Variants in RNF121 observed in about 807,000 individuals in gnomAD.
RNF121 encodes ring finger protein 121.
In RNF121, 21 loss-of-function variants were observed where a neutral mutation model predicts 46.5. The ratio of observed to expected loss-of-function variants is 0.45; its 90% CI spans 0.32 to 0.65. RNF121 has a LOEUF of 0.65. Ranked by LOEUF, RNF121 falls within the 30% of genes least tolerant of loss-of-function variation. The pLI, the probability that RNF121 is intolerant of heterozygous loss-of-function variation, is 0.04. For synonymous variants in RNF121, 139 were observed against 144.7 expected (o/e 0.96, Z 0.28); for missense variants, 346 against 416.0 (o/e 0.83, Z 1.46).
chr11:71,963,849 C>T (rs1459858717), intron 3 of RNF121, among the ~76,000 whole-genome samples: 1 of 152,184 alleles, frequency 6.6e-6, no homozygotes, highest in Admixed American at 6.5e-5. Context: ...TTTTTGTACT[C>T]TCAGTTTTAT....
At position 71,929,094 on chromosome 11, in the gene RNF121, T is replaced by A; in HGVS notation, c.33T>A (p.Gly11=). MAAVVEVEVG[G]GAAGERELDE... The stretch of plus-strand genomic sequence containing the variant: ...CAGTGGTGGAGGTGGAGGTTGGAGG[T>A]GGTGCTGCTGGGGAACGGGAGCTGG... The change falls in exon 1 of 9, where the codon GGT becomes GGA. Residue 11 remains glycine, a synonymous_variant. Transcript: ENST00000361756. 6.5e-7 allele frequency: 1 copy of A among 1,550,300 alleles called. No homozygotes were observed. The highest frequency in any genetic ancestry group is 2.4e-5 in the East Asian group (1 of 40,884).
intron 3 of RNF121, among the ~76,000 whole-genome samples, chr11:71,969,949 G>A (rs1162265286): frequency 6.6e-6 from 1 of 152,148 alleles, no homozygotes; most frequent in Non-Finnish European, 1.5e-5. Context: ...CTGCAGGATA[G>A]GATAGAGACG....
chr11:71,980,267 C>G (rs79290098), intron 3 of RNF121, among the ~76,000 whole-genome samples: 66 of 152,288 alleles, frequency 4.3e-4, no homozygotes, highest in Non-Finnish European at 3.1e-4. Context: ...ATGGGAACCT[C>G]TAAAGCAAAG....
chr11:71,975,282 A>G (rs768238812), intron 3 of RNF121, among the ~76,000 whole-genome samples: 4 of 152,230 alleles, frequency 2.6e-5, no homozygotes, highest in Non-Finnish European at 5.9e-5. Flanking sequence ...AGAATATAAC[A>G]AAAACTTGTA....
intron 3 of RNF121, among the ~76,000 whole-genome samples, chr11:71,975,858 A>C (rs1311594849): frequency 2.6e-5 from 4 of 152,222 alleles, no homozygotes; most frequent in Admixed American, 2.0e-4. Context: ...AGTGACACAA[A>C]GGCAGATTTT....
chr11:71,973,938 G>T (rs1006625498), intron 3 of RNF121, among the ~76,000 whole-genome samples: 21 of 151,830 alleles, frequency 1.4e-4, no homozygotes, highest in African/African-American at 3.6e-4. Flanking sequence ...GTATTTTTTT[G>T]TTTGTTTGTT....
intron 1 of RNF121, among the ~76,000 whole-genome samples, chr11:71,932,092 C>T (rs557081712): frequency 2.0e-5 from 3 of 152,254 alleles, no homozygotes; most frequent in South Asian, 4.1e-4. Context: ...TTAATACTTT[C>T]TCTAGAAGTT....
intron 3 of RNF121, among the ~76,000 whole-genome samples, chr11:71,970,493 T>G (rs1339111903): frequency 6.6e-6 from 1 of 152,012 alleles, no homozygotes; most frequent in Non-Finnish European, 1.5e-5. Context: ...AGACCCCATT[T>G]CTACTAAAAA....
chr11:71,979,758 G>T (rs762190743), intron 3 of RNF121, among the ~76,000 whole-genome samples: 1 of 152,168 alleles, frequency 6.6e-6, no homozygotes, highest in Non-Finnish European at 1.5e-5. Flanking sequence ...GGATCTTAGC[G>T]CAGGCTGGTT....
Position 71,996,494 on chromosome 11 carries a change from G to T in RNF121, c.*179G>T, listed in dbSNP as rs953454934. On this transcript the variant is annotated 3_prime_UTR_variant, in exon 9 of 9. Transcript: ENST00000361756. ...TGATGGAGAGCCAGCCAGTGGGGCT[G>T]TCAGCAGTGGGGGGCTTTTTAAAAG... 3.2e-6 allele frequency: 2 copies of T among 619,616 alleles called. No individual in the cohort carries two copies. The highest frequency in any genetic ancestry group is 3.7e-5 in the African/African-American group (2 of 54,066). The allele number at this position is 619,616 out of a possible 1,614,324, so 38.4% of individuals were successfully genotyped here.
At chr11:71,966,253 A>T (rs1260696400) in intron 3 of RNF121, among the ~76,000 whole-genome samples, 1 of 152,170 alleles carries the variant, frequency 6.6e-6, no homozygotes, top group Non-Finnish European at 1.5e-5. Context: ...GCCTGACCTC[A>T]GGTGATCCGC....
chr11:71,939,088 G>C (rs987537624), intron 1 of RNF121: 6 of 153,120 alleles, frequency 3.9e-5, no homozygotes, highest in African/African-American at 1.4e-4. Flanking sequence ...TATTTTTGTA[G>C]AGATGGAGTT....
chr11:71,976,345 C>CTTT (rs35710756), intron 3 of RNF121, among the ~76,000 whole-genome samples: 5 of 46,068 alleles, frequency 1.1e-4, no homozygotes, highest in Admixed American at 3.6e-4. Context: ...TGGGTATATT[C>CTTT]TTTTTTTTTT....
chr11:71,931,634 G>A (rs1433597389), intron 1 of RNF121, among the ~76,000 whole-genome samples: 1 of 152,092 alleles, frequency 6.6e-6, no homozygotes, highest in African/African-American at 2.4e-5. Context: ...ATTTACAGTC[G>A]AGTGAAGAGA....
intron 3 of RNF121, among the ~76,000 whole-genome samples, chr11:71,961,731 A>T (rs1244275297): frequency 6.6e-6 from 1 of 152,214 alleles, no homozygotes; most frequent in African/African-American, 2.4e-5. Context: ...GATTGGTTTT[A>T]AAAATCCCCT....
rs752783188 is a variant in RNF121, at chr11:71,990,589, C to T, written c.507-8C>T. 6.2e-6 allele frequency: 10 copies of T among 1,613,482 alleles called. No homozygotes were observed. The African/African-American group carries it at 8.0e-5, about 13-fold the overall frequency. ...TGGGTCTTTCTAGCTCTAATGCTTCCCTTGCAGGATCAAACCAGAAGATGC... is the reference window on the plus strand; with the variant it reads ...TGGGTCTTTCTAGCTCTAATGCTTCTCTTGCAGGATCAAACCAGAAGATGC... On this transcript the variant is annotated splice_polypyrimidine_tract_variant and splice_region_variant and intron_variant, in intron 5 of 8. Transcript: ENST00000361756.
chr11:71,982,534 G>T (rs1258458441), intron 3 of RNF121, among the ~76,000 whole-genome samples: 1 of 152,268 alleles, frequency 6.6e-6, no homozygotes, highest in East Asian at 1.9e-4. Flanking sequence ...AGCTCAAATG[G>T]AAAGGAAAGA....
intron 3 of RNF121, among the ~76,000 whole-genome samples, chr11:71,973,734 T>G (rs1232756522): frequency 6.7e-6 from 1 of 150,018 alleles, no homozygotes; most frequent in Non-Finnish European, 1.5e-5. Flanking sequence ...TTGCAGTGAG[T>G]CAAGATCCTG....
intron 3 of RNF121, among the ~76,000 whole-genome samples, chr11:71,968,065 G>T (rs540073359): frequency 1.5e-5 from 1 of 65,582 alleles, no homozygotes; most frequent in Non-Finnish European, 3.4e-5. Context: ...ATTTATGAAC[G>T]ATCTTTTTTT....
Sources: allele counts gnomAD v4.1 joint callset (sites outside exome capture counted in the v4.1 genomes callset), GRCh38; gene constraint gnomAD v4.1.1; transcripts MANE v1.5; gene names NCBI Gene and HGNC (gene_info 2026-07-23, HGNC 2026-07-21).